Variants in SGMS1 observed in about 807,000 individuals in gnomAD.
SGMS1 encodes the protein sphingomyelin synthase 1.
In SGMS1, 13 loss-of-function variants were observed where a neutral mutation model predicts 46.2. That is an observed-to-expected ratio of 0.28 (90% CI 0.18 to 0.45). The LOEUF (loss-of-function observed/expected upper bound fraction) is 0.45. Among genes scored for constraint, SGMS1 ranks in the 20% least tolerant of loss-of-function variants. SGMS1 has a pLI of 1.00. For synonymous variants in SGMS1, 203 were observed against 187.8 expected (o/e 1.08, Z -0.66); for missense variants, 324 against 519.9 (o/e 0.62, Z 3.66).
At chr10:50,436,882 G>A (rs910827506) in intron 5 of SGMS1, among the ~76,000 whole-genome samples, 4 of 152,178 alleles carry the variant, frequency 2.6e-5, no homozygotes, top group African/African-American at 9.7e-5. Flanking sequence ...TCCTCTATGG[G>A]AGACAGTATC....
intron 2 of SGMS1, among the ~76,000 whole-genome samples, chr10:50,577,313 T>C (rs1440159308): frequency 6.6e-6 from 1 of 152,202 alleles, no homozygotes; most frequent in Non-Finnish European, 1.5e-5. Context: ...CCCTTGTCTA[T>C]GTCTTTAATG....
intron 6 of SGMS1, among the ~76,000 whole-genome samples, chr10:50,410,839 C>T (rs1849086305): frequency 6.6e-6 from 1 of 152,192 alleles, no homozygotes; most frequent in South Asian, 2.1e-4. Flanking sequence ...AATTCAGTCT[C>T]CCATCCCAGT....
chr10:50,394,320 A>G (rs1848814720), intron 6 of SGMS1, among the ~76,000 whole-genome samples: 1 of 152,244 alleles, frequency 6.6e-6, no homozygotes, highest in Non-Finnish European at 1.5e-5. Flanking sequence ...ACTCCATCAT[A>G]AGCCATGTGA....
intron 3 of SGMS1, among the ~76,000 whole-genome samples, chr10:50,487,985 TTTTATTTATTTATTTA>T (rs3054268): frequency 1.8e-4 from 25 of 139,034 alleles, no homozygotes; most frequent in South Asian, 9.7e-4. Flanking sequence ...TTTGTTTTTA[TTTTATTTATTTATTTA>T]TTTATTTATT....
chr10:50,391,840 TAAA>T (rs146392084), intron 6 of SGMS1, among the ~76,000 whole-genome samples: 3 of 123,498 alleles, frequency 2.4e-5, no homozygotes, highest in African/African-American at 6.1e-5. Context: ...ATGCAATCAT[TAAA>T]AAAAAAAAAA....
intron 8 of SGMS1, among the ~76,000 whole-genome samples, chr10:50,324,289 A>G (rs571290449): frequency 6.6e-6 from 1 of 152,294 alleles, no homozygotes; most frequent in South Asian, 2.1e-4. Flanking sequence ...CCTTAACTTT[A>G]GTGTTCTTTT....
At chr10:50,572,992 T>A (rs1020738626) in intron 2 of SGMS1, among the ~76,000 whole-genome samples, 31 of 152,146 alleles carry the variant, frequency 2.0e-4, no homozygotes, top group Non-Finnish European at 3.7e-4. Flanking sequence ...AATCACATGA[T>A]CATCTCAATA....
chr10:50,554,887 C>T (rs1273066900), intron 2 of SGMS1, among the ~76,000 whole-genome samples: 1 of 152,238 alleles, frequency 6.6e-6, no homozygotes. Flanking sequence ...CACATCAGTA[C>T]ATTCAGATCT....
At chr10:50,415,924 C>T (rs12354779) in intron 6 of SGMS1, among the ~76,000 whole-genome samples, 17,847 of 152,036 alleles carry the variant, frequency 0.12, 1,198 homozygotes, top group Middle Eastern at 0.21. Context: ...ACTTGTGACA[C>T]GCAAGAGGAA....
chr10:50,505,043 T>C (rs770594112), intron 3 of SGMS1, among the ~76,000 whole-genome samples: 1 of 152,086 alleles, frequency 6.6e-6, no homozygotes, highest in African/African-American at 2.4e-5. Context: ...ACCCCATCTC[T>C]ATAAAAAGAA....
chr10:50,522,082 C>T (rs929471710), intron 2 of SGMS1, among the ~76,000 whole-genome samples: 1 of 152,112 alleles, frequency 6.6e-6, no homozygotes, highest in African/African-American at 2.4e-5. Context: ...AGCAATCCCT[C>T]CATATTACCA....
At chr10:50,574,133 A>G (rs958486851) in intron 2 of SGMS1, among the ~76,000 whole-genome samples, 3 of 151,622 alleles carry the variant, frequency 2.0e-5, no homozygotes, top group Admixed American at 6.6e-5. Flanking sequence ...CTTGGATATA[A>G]CACCAAAAGC....
intron 3 of SGMS1, among the ~76,000 whole-genome samples, chr10:50,493,537 C>T (rs1170945393): frequency 6.6e-6 from 1 of 152,114 alleles, no homozygotes; most frequent in Non-Finnish European, 1.5e-5. Context: ...AGACAACCTA[C>T]AGTATAGGAG....
chr10:50,499,862 T>A (rs1184828457), intron 3 of SGMS1, among the ~76,000 whole-genome samples: 1 of 152,218 alleles, frequency 6.6e-6, no homozygotes, highest in Admixed American at 6.5e-5. Flanking sequence ...AATTCACATA[T>A]TGTATCTAAA....
chr10:50,604,407 C>T (rs1474744021), intron 1 of SGMS1, among the ~76,000 whole-genome samples: 1 of 152,138 alleles, frequency 6.6e-6, no homozygotes, highest in Non-Finnish European at 1.5e-5. Context: ...CTGTAGAGAG[C>T]CACCAAAAAT....
chr10:50,603,297 G>A (rs1245463375), intron 1 of SGMS1, among the ~76,000 whole-genome samples: 1 of 152,208 alleles, frequency 6.6e-6, no homozygotes, highest in African/African-American at 2.4e-5. Context: ...TTGCTGGTGA[G>A]AGGCCGGAGC....
intron 1 of SGMS1, among the ~76,000 whole-genome samples, chr10:50,617,345 T>C (rs117701096): frequency 4.2e-4 from 64 of 152,312 alleles, no homozygotes; most frequent in Non-Finnish European, 7.9e-4. Context: ...GTATGGTCCA[T>C]TTACATAAAA....
At chr10:50,497,884 T>A (rs1189386978) in intron 3 of SGMS1, among the ~76,000 whole-genome samples, 1 of 152,204 alleles carries the variant, frequency 6.6e-6, no homozygotes, top group African/African-American at 2.4e-5. Flanking sequence ...CTGAAATGCA[T>A]GACTTTCAGT....
chr10:50,426,150 TA>T (rs1230536538), intron 6 of SGMS1, among the ~76,000 whole-genome samples: 1 of 152,088 alleles, frequency 6.6e-6, no homozygotes, highest in African/African-American at 2.4e-5. Flanking sequence ...AAAACAAAAG[TA>T]AAAAAAGATT....
Sources: gnomAD v4.1 joint callset for allele counts (sites outside exome capture counted in the v4.1 genomes callset) on GRCh38, gnomAD v4.1.1 for gene constraint, MANE v1.5 for transcripts, NCBI Gene and HGNC (gene_info 2026-07-23, HGNC 2026-07-21) for gene names.